SHISA9: variants seen among roughly 807,000 people sequenced by gnomAD.
SHISA9 encodes the protein protein shisa-9.
SHISA9 carries 13 observed loss-of-function variants against 38.0 expected under a neutral mutation model. The observed-to-expected ratio is 0.34, with a 90% CI of 0.22 to 0.54. SHISA9 has a LOEUF of 0.54. Ranked by LOEUF, SHISA9 falls within the 20% of genes least tolerant of loss-of-function variation. The pLI is 0.91. For missense variants in SHISA9, 538 were observed against 575.8 expected, an observed-to-expected ratio of 0.93 and a Z score of 0.67; for synonymous variants, 275 against 242.0, an observed-to-expected ratio of 1.14 and a Z score of -1.27.
chr16:12,958,030 T>A (rs1332929806), intron 2 of SHISA9, among the ~76,000 whole-genome samples: 1 of 152,230 alleles, frequency 6.6e-6, no homozygotes, highest in African/African-American at 2.4e-5. Flanking sequence ...AATTTGGTGG[T>A]GCACATTCAG....
chr16:13,449,518 G>C, the SHISA9 span, among the ~76,000 whole-genome samples: 1 of 152,252 alleles, frequency 6.6e-6, no homozygotes, highest in East Asian at 1.9e-4. Flanking sequence ...TCTATATCTT[G>C]ATTTGAGTGG....
At chr16:13,075,981 C>T (rs1359830758) in intron 2 of SHISA9, among the ~76,000 whole-genome samples, 1 of 151,754 alleles carries the variant, frequency 6.6e-6, no homozygotes, top group African/African-American at 2.4e-5. Context: ...TGTCTCCAGA[C>T]ATTGCTGATG....
chr16:13,206,303 C>G (rs931849087), intron 3 of SHISA9, among the ~76,000 whole-genome samples: 4 of 152,188 alleles, frequency 2.6e-5, no homozygotes, highest in Admixed American at 1.3e-4. Context: ...CATATACTTT[C>G]TTTTATTATC....
intron 4 of SHISA9, among the ~76,000 whole-genome samples, chr16:13,215,774 ATTGGTC>A (rs1361387987): frequency 1.3e-5 from 2 of 152,144 alleles, no homozygotes; most frequent in Non-Finnish European, 2.9e-5. Context: ...CTCTGGGGTC[ATTGGTC>A]TGCCTCTAGT....
intron 2 of SHISA9, among the ~76,000 whole-genome samples, chr16:13,105,182 C>T (rs2073914515): frequency 6.6e-6 from 1 of 152,150 alleles, no homozygotes; most frequent in African/African-American, 2.4e-5. Context: ...GCTGTGAAGA[C>T]ATTCTTTATA....
At chr16:13,501,533 A>G in the SHISA9 span, among the ~76,000 whole-genome samples, 1 of 152,162 alleles carries the variant, frequency 6.6e-6, no homozygotes, top group East Asian at 1.9e-4. Flanking sequence ...CTCTTCACCA[A>G]TTTTACAGCA....
At chr16:13,412,914 T>C in the SHISA9 span, among the ~76,000 whole-genome samples, 1 of 151,884 alleles carries the variant, frequency 6.6e-6, no homozygotes, top group South Asian at 2.1e-4. Flanking sequence ...GACAATTAAA[T>C]AACAAACTCC....
At chr16:13,271,483 AGTCAGC>A in the SHISA9 span, among the ~76,000 whole-genome samples, 2 of 152,200 alleles carry the variant, frequency 1.3e-5, no homozygotes, top group African/African-American at 4.8e-5. Flanking sequence ...TCCATGTGTA[AGTCAGC>A]GTGTACGGTG....
chr16:13,479,823 A>G, the SHISA9 span, among the ~76,000 whole-genome samples: 1 of 152,186 alleles, frequency 6.6e-6, no homozygotes, highest in Non-Finnish European at 1.5e-5. Flanking sequence ...TCCCTTTGTC[A>G]GGGATTCCCA....
the SHISA9 span, among the ~76,000 whole-genome samples, chr16:13,551,631 C>G: frequency 6.6e-6 from 1 of 152,174 alleles, no homozygotes; most frequent in Admixed American, 6.5e-5. Context: ...CACATGCATA[C>G]AATCATTACT....
intron 2 of SHISA9, among the ~76,000 whole-genome samples, chr16:12,954,859 C>T (rs902071814): frequency 6.6e-6 from 1 of 152,112 alleles, no homozygotes; most frequent in Non-Finnish European, 1.5e-5. Context: ...TATCACTCAT[C>T]TTTCTATGTG....
the SHISA9 span, among the ~76,000 whole-genome samples, chr16:13,400,021 A>G: frequency 1.3e-5 from 2 of 152,172 alleles, no homozygotes; most frequent in Non-Finnish European, 2.9e-5. Context: ...TACCCTGCCT[A>G]TCCATCTCAG....
At chr16:13,421,267 A>T in the SHISA9 span, among the ~76,000 whole-genome samples, 2 of 152,132 alleles carry the variant, frequency 1.3e-5, no homozygotes, top group African/African-American at 4.8e-5. Flanking sequence ...TGGGCTCTGT[A>T]TTAATCCGTT....
At chr16:13,205,985 G>A (rs1021127480) in intron 3 of SHISA9, among the ~76,000 whole-genome samples, 12 of 149,604 alleles carry the variant, frequency 8.0e-5, no homozygotes, top group African/African-American at 2.7e-4. Context: ...AGCTGGTCTC[G>A]AACTCCTGAC....
At chr16:13,101,187 G>A (rs1003937367) in intron 2 of SHISA9, among the ~76,000 whole-genome samples, 4 of 152,164 alleles carry the variant, frequency 2.6e-5, no homozygotes, top group African/African-American at 9.7e-5. Flanking sequence ...GAGATCTAAT[G>A]TACAGCCATG....
At chr16:13,219,689 T>C (rs1398383166) in intron 4 of SHISA9, among the ~76,000 whole-genome samples, 1 of 151,954 alleles carries the variant, frequency 6.6e-6, no homozygotes, top group African/African-American at 2.4e-5. Flanking sequence ...CCAAACCACA[T>C]GGATTAGGAA....
intron 2 of SHISA9, among the ~76,000 whole-genome samples, chr16:13,168,450 C>T (rs2050656790): frequency 6.6e-6 from 1 of 152,212 alleles, no homozygotes; most frequent in South Asian, 2.1e-4. Flanking sequence ...TCATTTCTAC[C>T]CTTACTCCAT....
chr16:13,113,839 G>A (rs1319835796), intron 2 of SHISA9, among the ~76,000 whole-genome samples: 5 of 152,266 alleles, frequency 3.3e-5, no homozygotes, highest in South Asian at 2.1e-4. Context: ...TTTGGTAATC[G>A]TCAAGAGGAA....
chr16:13,388,201 C>A, the SHISA9 span, among the ~76,000 whole-genome samples: 2 of 151,966 alleles, frequency 1.3e-5, no homozygotes, highest in African/African-American at 4.8e-5. Flanking sequence ...GGATCAATCC[C>A]AAGAGTCAAA....
Sources: gnomAD v4.1 joint callset for allele counts (sites outside exome capture counted in the v4.1 genomes callset) on GRCh38, gnomAD v4.1.1 for gene constraint, MANE v1.5 for transcripts, NCBI Gene and HGNC (gene_info 2026-07-23, HGNC 2026-07-21) for gene names.